Variants in WASHC4 observed in about 807,000 individuals in gnomAD.
WASHC4 encodes WASH complex subunit 7.
A neutral mutation model predicts 166.6 loss-of-function variants in WASHC4; 86 were observed. The ratio of observed to expected loss-of-function variants is 0.52; its 90% CI spans 0.43 to 0.62. The LOEUF (loss-of-function observed/expected upper bound fraction) is 0.62. Among genes scored for constraint, WASHC4 ranks in the 20% least tolerant of loss-of-function variants. The pLI, the probability that WASHC4 is intolerant of heterozygous loss-of-function variation, is 0.00. For synonymous variants in WASHC4, 446 were observed against 451.6 expected (o/e 0.99, Z 0.16); for missense variants, 1,262 against 1,382.4 (o/e 0.91, Z 1.38).
At chr12:105,120,378 C>A (rs1880615076) in intron 7 of WASHC4, among the ~76,000 whole-genome samples, 177 bp from the exon 8 acceptor site, 1 of 152,102 alleles carries the variant, frequency 6.6e-6, no homozygotes, top group Admixed American at 6.5e-5. Flanking sequence ...ATAGTATGCA[C>A]AAAGTAGTTC....
intron 10 of WASHC4, among the ~76,000 whole-genome samples, chr12:105,124,155 T>C (rs1881050028): frequency 6.6e-6 from 1 of 151,802 alleles, no homozygotes; most frequent in Admixed American, 6.6e-5. Flanking sequence ...CTTTCACTCT[T>C]GTTGCCCAGG....
Position 105,126,047 on chromosome 12 carries a change from CTG to C in WASHC4, c.834_835del (p.Ser279LysfsTer3). On this transcript the variant is annotated frameshift_variant, in exon 11 of 33. Coordinates refer to ENST00000332180, the MANE Select transcript of WASHC4 (RefSeq NM_015275.3). LOFTEE classifies it high-confidence loss of function. ...TTTGATTCTCTCAATGGAGGAGTAT[CTG>C]TGTCAAAAAATAGTACTTTTGCTGA... The C allele has an allele frequency of 6.2e-7, 1 of 1,612,556 alleles. No homozygotes were observed. The highest frequency in any genetic ancestry group is 8.5e-7 in the Non-Finnish European group (1 of 1,178,968).
rs756234220 is a variant in WASHC4, at chr12:105,144,408, T to C, written c.2132T>C (p.Phe711Ser). The C allele has an allele frequency of 1.2e-6, 2 of 1,613,588 alleles. No individual in the cohort carries two copies. The highest frequency in any genetic ancestry group is 1.7e-5 in the Admixed American group (1 of 60,002). Reference protein sequence around the residue: ...KVGMKDLALFFSLNPIRFFNR... With the variant: ...KVGMKDLALFSSLNPIRFFNR... ...GGCATGAAAGACCTGGCTCTTTTTT[T>C]CTCTCTGAATCCAATTCGGTTTTTC... The change falls in exon 21 of 33, where the codon TTC becomes TCC. Residue 711 changes from phenylalanine to serine, a missense_variant. Phe to Ser is a radical substitution (Grantham distance 155). Coordinates refer to ENST00000332180, the MANE Select transcript of WASHC4 (RefSeq NM_015275.3).
chr12:105,122,728 G>T (rs1445142846), intron 10 of WASHC4, among the ~76,000 whole-genome samples: 1 of 152,082 alleles, frequency 6.6e-6, no homozygotes, highest in Non-Finnish European at 1.5e-5. Context: ...ATGGTGATCA[G>T]TGGTTTCTGA....
chr12:105,112,922 G>A (rs1331580188), intron 2 of WASHC4, among the ~76,000 whole-genome samples: 1 of 152,132 alleles, frequency 6.6e-6, no homozygotes, highest in Non-Finnish European at 1.5e-5. Context: ...ATATCAGGCA[G>A]CTTGACTCCA....
Position 105,168,884 on chromosome 12 carries a change from CATTA to C in WASHC4, c.*1957_*1960del, listed in dbSNP as rs951704161. 44 of 152,512 alleles carry C rather than the reference CATTA, an allele frequency of 2.9e-4. No individual in the cohort carries two copies. The highest frequency in any genetic ancestry group is 1.1e-3 in the African/African-American group (44 of 41,498). 9.4% of individuals were successfully genotyped at this position (152,512 alleles called of 1,614,324 possible). On this transcript the variant is annotated 3_prime_UTR_variant, in exon 33 of 33. Transcript: ENST00000332180. ...TGATGATTTTTCTTGATAACATTAA[CATTA>C]ATTTTATTTTTTCAGACATACTGTA...
chr12:105,123,270 C>T (rs922008582), intron 10 of WASHC4, among the ~76,000 whole-genome samples: 19 of 152,110 alleles, frequency 1.2e-4, no homozygotes, highest in African/African-American at 1.9e-4. Context: ...GTCAGGATCA[C>T]GCCATTGCAC....
chr12:105,149,130 A>G (rs1883535929), intron 24 of WASHC4: 1 of 985,436 alleles, frequency 1.0e-6, no homozygotes, highest in Non-Finnish European at 1.2e-6. Flanking sequence ...CCTTGTGTGT[A>G]AGAGGTGATT....
chr12:105,116,304 G>A (rs769128681), intron 6 of WASHC4, among the ~76,000 whole-genome samples: 2 of 152,136 alleles, frequency 1.3e-5, no homozygotes, highest in African/African-American at 2.4e-5. Context: ...CCTCCTTTCT[G>A]TTGTTGAGTA....
chr12:105,140,342 G>T lies in WASHC4; in HGVS notation c.1501G>T (p.Val501Phe), dbSNP rs750062693. The T allele has an allele frequency of 9.9e-6, 16 of 1,613,830 alleles. No individual in the cohort carries two copies. In the African/African-American group the frequency reaches 2.0e-4, roughly 20 times the overall value. ...YRRSMVVADSVSHITQHLQHQ... is the reference protein window; with the variant it reads ...YRRSMVVADSFSHITQHLQHQ... ...GAGAAGCATGGTTGTGGCTGATTCA[G>T]TTTCACATATAACACAGCACCTTCA... is the stretch of plus-strand genomic sequence containing the variant. The change falls in exon 16 of 33, where the codon GTT (valine) becomes TTT (phenylalanine). Residue 501 changes from valine (V) to phenylalanine (F), a missense_variant. Coordinates refer to ENST00000332180, the MANE Select transcript of WASHC4 (RefSeq NM_015275.3).
chr12:105,118,031 A>C (rs960070830), intron 6 of WASHC4, among the ~76,000 whole-genome samples: 2 of 152,186 alleles, frequency 1.3e-5, no homozygotes, highest in Non-Finnish European at 2.9e-5. Context: ...TGTACTTTCT[A>C]TACTGGCAGC....
intron 2 of WASHC4, among the ~76,000 whole-genome samples, chr12:105,113,222 CATG>C (rs1298670345): frequency 1.2e-4 from 18 of 152,108 alleles, no homozygotes; most frequent in African/African-American, 4.1e-4. Context: ...TTAAGTAATA[CATG>C]TTGATTTTTT....
intron 14 of WASHC4, among the ~76,000 whole-genome samples, chr12:105,136,569 C>A (rs923474097): frequency 1.3e-5 from 2 of 152,090 alleles, no homozygotes; most frequent in Admixed American, 1.3e-4. Flanking sequence ...TGGGAATGAG[C>A]TAATATGGGC....
intron 28 of WASHC4, among the ~76,000 whole-genome samples, chr12:105,157,582 A>G (rs1445783830): frequency 6.6e-6 from 1 of 152,226 alleles, no homozygotes; most frequent in Non-Finnish European, 1.5e-5. Context: ...GATGTGCTCA[A>G]GTATAAAGTA....
chr12:105,150,634 A>G (rs1384499224), intron 25 of WASHC4, among the ~76,000 whole-genome samples: 1 of 152,196 alleles, frequency 6.6e-6, no homozygotes, highest in Non-Finnish European at 1.5e-5. Flanking sequence ...TAATACCAAA[A>G]TTAGCCGGGC....
chr12:105,108,525 C>A (rs1334475375), intron 1 of WASHC4, among the ~76,000 whole-genome samples: 1 of 152,196 alleles, frequency 6.6e-6, no homozygotes, highest in Non-Finnish European at 1.5e-5. Context: ...AGCAAATCTT[C>A]AAATTTTGCT....
At chr12:105,160,206 G>T in intron 29 of WASHC4, 58 bp downstream of exon 29, 2 of 1,431,650 alleles carry the variant, frequency 1.4e-6, no homozygotes, top group South Asian at 1.2e-5. Context: ...TGCACAAATA[G>T]ATCTGGTTTC....
intron 8 of WASHC4, among the ~76,000 whole-genome samples, 163 bp downstream of exon 8, chr12:105,120,760 A>G (rs1337561888): frequency 2.0e-5 from 3 of 151,942 alleles, no homozygotes; most frequent in Non-Finnish European, 2.9e-5. Flanking sequence ...TCATCTGTGA[A>G]GTTGATGAGT....
intron 28 of WASHC4, 66 bp from the exon 29 acceptor site, chr12:105,159,935 G>A: frequency 7.1e-7 from 1 of 1,408,986 alleles, no homozygotes; most frequent in Non-Finnish European, 1.0e-6. Flanking sequence ...AAACTATTGA[G>A]AGATGGATTT....
Sources: gnomAD v4.1 joint callset for allele counts (sites outside exome capture counted in the v4.1 genomes callset) on GRCh38, gnomAD v4.1.1 for gene constraint, MANE v1.5 for transcripts, NCBI Gene and HGNC (gene_info 2026-07-23, HGNC 2026-07-21) for gene names.